LARGE1: variants seen among roughly 807,000 people sequenced by gnomAD.
LARGE1 encodes the protein LARGE xylosyl- and glucuronyltransferase 1, also known as xylosyl- and glucuronyltransferase LARGE1.
Under a neutral mutation model 87.6 loss-of-function variants are expected in LARGE1, and 43 were observed. The ratio of observed to expected loss-of-function variants is 0.49; its 90% CI spans 0.38 to 0.63. LARGE1 has a LOEUF of 0.63. Ranked by LOEUF, LARGE1 falls within the 30% of genes least tolerant of loss-of-function variation. The probability of loss-of-function intolerance (pLI) is 0.00; values close to 1 mark genes in which losing one functional copy is unlikely to be tolerated. For synonymous variants in LARGE1, 434 were observed against 394.6 expected, an observed-to-expected ratio of 1.10 and a Z score of -1.18; for missense variants, 802 against 1,000.2, an observed-to-expected ratio of 0.80 and a Z score of 2.67.
chr22:33,347,103 C>A (rs1156234691), intron 9 of LARGE1, among the ~76,000 whole-genome samples: 3 of 152,082 alleles, frequency 2.0e-5, no homozygotes, highest in African/African-American at 7.2e-5. Context: ...AATTCAAACC[C>A]CCTACTTTAT....
the LARGE1 span, among the ~76,000 whole-genome samples, chr22:33,080,884 C>A: frequency 1.3e-5 from 2 of 152,148 alleles, no homozygotes; most frequent in Non-Finnish European, 2.9e-5. Context: ...CTATGCCTTA[C>A]AGGGATGCAC....
chr22:33,567,054 C>T (rs1314497160), intron 5 of LARGE1, among the ~76,000 whole-genome samples: 1 of 152,160 alleles, frequency 6.6e-6, no homozygotes, highest in African/African-American at 2.4e-5. Flanking sequence ...CCACACAAAG[C>T]ATTTGATCTC....
At chr22:33,827,888 T>C (rs537506420) in intron 1 of LARGE1, among the ~76,000 whole-genome samples, 3 of 152,310 alleles carry the variant, frequency 2.0e-5, no homozygotes, top group Non-Finnish European at 4.4e-5. Context: ...ATTGGATAAT[T>C]TGGATTTCCA....
At chr22:33,829,002 TTTTC>T (rs536590078) in intron 1 of LARGE1, among the ~76,000 whole-genome samples, 6,752 of 123,486 alleles carry the variant, frequency 0.055, 218 homozygotes, top group East Asian at 0.082. Flanking sequence ...TGAAGTCTCT[TTTTC>T]TTTTTTTTTT....
intron 14 of LARGE1, 49 bp from the exon 15 acceptor site, chr22:33,274,673 T>G (rs2145803968): frequency 6.5e-7 from 1 of 1,548,052 alleles, no homozygotes; most frequent in East Asian, 2.2e-5. Flanking sequence ...CCGAGGGTCA[T>G]GCATGATGAA....
At chr22:33,673,675 T>G (rs80008548) in intron 2 of LARGE1, among the ~76,000 whole-genome samples, 11 of 152,052 alleles carry the variant, frequency 7.2e-5, no homozygotes, top group Non-Finnish European at 5.9e-5. Flanking sequence ...TCCAGACCCA[T>G]GAAAAAACTC....
At chr22:33,857,769 T>C (rs67503539) in intron 1 of LARGE1, among the ~76,000 whole-genome samples, 29,732 of 151,954 alleles carry the variant, frequency 0.2, 3,098 homozygotes, top group Admixed American at 0.31. Context: ...AGTGGAGAAA[T>C]AGGAATGCTT....
intron 9 of LARGE1, among the ~76,000 whole-genome samples, chr22:33,365,914 C>T (rs955800544): frequency 6.6e-6 from 1 of 152,120 alleles, no homozygotes; most frequent in East Asian, 1.9e-4. Context: ...CTGCACCTGG[C>T]CTGCTTTTCT....
At chr22:33,808,277 G>C (rs1389943548) in intron 1 of LARGE1, among the ~76,000 whole-genome samples, 1 of 152,178 alleles carries the variant, frequency 6.6e-6, no homozygotes, top group African/African-American at 2.4e-5. Context: ...CTTTTCATGT[G>C]CTTATCTGCC....
At chr22:33,838,648 T>A (rs1235436693) in intron 1 of LARGE1, among the ~76,000 whole-genome samples, 1 of 152,116 alleles carries the variant, frequency 6.6e-6, no homozygotes, top group Non-Finnish European at 1.5e-5. Context: ...AAATAAATAA[T>A]TGTCCTTTAG....
chr22:33,899,498 G>A (rs1444939568), intron 1 of LARGE1, among the ~76,000 whole-genome samples: 1 of 152,182 alleles, frequency 6.6e-6, no homozygotes, highest in Admixed American at 6.5e-5. Flanking sequence ...GGTGGCAAGT[G>A]ACAAAAGGGA....
At chr22:33,289,114 A>G (rs959151152) in intron 12 of LARGE1, among the ~76,000 whole-genome samples, 3 of 151,992 alleles carry the variant, frequency 2.0e-5, no homozygotes, top group African/African-American at 7.3e-5. Flanking sequence ...GCCCGCCACC[A>G]CACCCAGCTA....
intron 1 of LARGE1, among the ~76,000 whole-genome samples, chr22:33,891,510 A>G (rs896795540): frequency 6.6e-6 from 1 of 152,018 alleles, no homozygotes; most frequent in African/African-American, 2.4e-5. Flanking sequence ...GGAGAATGAG[A>G]ATACGATGTT....
At chr22:33,510,802 G>T (rs189625339) in intron 6 of LARGE1, among the ~76,000 whole-genome samples, 2 of 152,240 alleles carry the variant, frequency 1.3e-5, no homozygotes, top group Non-Finnish European at 2.9e-5. Context: ...GCCCAGGCTG[G>T]TCTTGAACTC....
At position 33,850,037 on chromosome 22, in the gene LARGE1, G is replaced by T. The variant is rs2283955; in HGVS notation, c.-83+69958C>A. ...GGCTGGTAGGGGGTGGGGGTGCAATGATCTGGTTCTGTAGCTTGAGGGCCT... is the reference window on the plus strand; with the variant it reads ...GGCTGGTAGGGGGTGGGGGTGCAATTATCTGGTTCTGTAGCTTGAGGGCCT... On this transcript the variant is annotated intron_variant, in intron 1 of 14. Coordinates refer to ENST00000397394, the MANE Select transcript of LARGE1 (RefSeq NM_133642.5). Among the ~76,000 whole-genome samples, 328 of 152,288 alleles carry T rather than the reference G, an allele frequency of 2.2e-3. 4 individuals are homozygous for T. The East Asian group carries it at 0.04, about 19-fold the overall frequency.
chr22:33,341,256 G>A (rs1218403296), intron 9 of LARGE1, among the ~76,000 whole-genome samples: 1 of 151,956 alleles, frequency 6.6e-6, no homozygotes, highest in Non-Finnish European at 1.5e-5. Flanking sequence ...ACTATGAACC[G>A]AAAGGCATGC....
intron 13 of LARGE1, among the ~76,000 whole-genome samples, chr22:33,277,569 A>G (rs1287087664): frequency 6.6e-6 from 1 of 152,194 alleles, no homozygotes; most frequent in Non-Finnish European, 1.5e-5. Flanking sequence ...AATACCATGT[A>G]TAGACATTGG....
intron 1 of LARGE1, among the ~76,000 whole-genome samples, chr22:33,887,665 A>G (rs1375854351): frequency 6.6e-6 from 1 of 151,816 alleles, no homozygotes; most frequent in Non-Finnish European, 1.5e-5. Flanking sequence ...TTGAGCCTGG[A>G]GGTGGAGGTT....
intron 5 of LARGE1, among the ~76,000 whole-genome samples, chr22:33,592,718 C>G (rs1465953799): frequency 6.6e-6 from 1 of 152,154 alleles, no homozygotes; most frequent in Non-Finnish European, 1.5e-5. Context: ...ATAACAATAC[C>G]TTTTCATTCC....
Sources: allele counts gnomAD v4.1 joint callset (sites outside exome capture counted in the v4.1 genomes callset), GRCh38; gene constraint gnomAD v4.1.1; transcripts MANE v1.5; gene names NCBI Gene and HGNC (gene_info 2026-07-23, HGNC 2026-07-21).